The following LRGUK variants were observed in gnomAD, a reference collection of about 807,000 sequenced individuals.
LRGUK encodes the protein leucine-rich repeat and guanylate kinase domain-containing protein.
LRGUK carries 65 observed loss-of-function variants against 76.0 expected under a neutral mutation model. The ratio of observed to expected loss-of-function variants is 0.85; its 90% CI spans 0.70 to 1.05. The LOEUF (loss-of-function observed/expected upper bound fraction) is 1.05, where lower values mean the gene tolerates loss of function less well. Among genes scored for constraint, LRGUK ranks in the 50% least tolerant of loss-of-function variants. The pLI is 0.00. For missense variants in LRGUK, 758 were observed against 732.8 expected, an observed-to-expected ratio of 1.03 and a Z score of -0.40; for synonymous variants, 268 against 265.6, an observed-to-expected ratio of 1.01 and a Z score of -0.09.
chr7:134,244,517 C>A (rs1802243710), intron 16 of LRGUK, among the ~76,000 whole-genome samples: 1 of 152,150 alleles, frequency 6.6e-6, no homozygotes, highest in South Asian at 2.1e-4. Flanking sequence ...CCATCTCACA[C>A]CAGTTAGAAT....
chr7:134,199,644 G>A (rs1283352960), intron 14 of LRGUK, among the ~76,000 whole-genome samples: 1 of 151,972 alleles, frequency 6.6e-6, no homozygotes, highest in African/African-American at 2.4e-5. Context: ...AAGATTTGGT[G>A]TAAAATGAGC....
At chr7:134,275,635 C>T in the LRGUK span, among the ~76,000 whole-genome samples, 1 of 152,000 alleles carries the variant, frequency 6.6e-6, no homozygotes, top group Admixed American at 6.6e-5. Flanking sequence ...AAGTTTTTTC[C>T]TGGATTTTAT....
In LRGUK at chr7:134,128,109, G is replaced by GAA. The variant is rs11291605; in HGVS notation, c.297+463_297+464dup. Among the ~76,000 whole-genome samples, 154 of 136,066 alleles carry GAA rather than the reference G, an allele frequency of 1.1e-3. 1 individual carries two copies. Among genetic ancestry groups the GAA allele is most frequent in the African/African-American group, 3.1e-3 (116 of 36,840 alleles). 89.3% of individuals were successfully genotyped at this position (136,066 alleles called of 152,430 possible). On this transcript the variant is annotated intron_variant, in intron 1 of 15. Transcript: ENST00000645682. Reference sequence around the variant, plus strand: ...TCTAGTCCCGTCAGCCTCCCTCCAGGAAAAAAAAAAAAAAAAAAATCCGCT... The same window carrying GAA: ...TCTAGTCCCGTCAGCCTCCCTCCAGGAAAAAAAAAAAAAAAAAAAAATCCGCT...
At chr7:134,149,490 T>C (rs1406584579) in intron 5 of LRGUK, among the ~76,000 whole-genome samples, 1 of 152,298 alleles carries the variant, frequency 6.6e-6, no homozygotes, top group East Asian at 1.9e-4. Flanking sequence ...TTCTTGAAGA[T>C]GTATCTTGTA....
chr7:134,170,102 T>G (rs970002718), intron 7 of LRGUK, among the ~76,000 whole-genome samples: 7 of 152,086 alleles, frequency 4.6e-5, no homozygotes, highest in African/African-American at 1.7e-4. Context: ...TGATTACCCA[T>G]GAGGTTAAAC....
intron 1 of LRGUK, among the ~76,000 whole-genome samples, chr7:134,130,904 A>G (rs774624725): frequency 3.9e-5 from 6 of 152,230 alleles, no homozygotes; most frequent in Non-Finnish European, 1.5e-5. Context: ...TGGGAATTAT[A>G]ATAATACTTA....
At chr7:134,155,432 A>C (rs1392843898) in intron 5 of LRGUK, among the ~76,000 whole-genome samples, 1 of 152,222 alleles carries the variant, frequency 6.6e-6, no homozygotes, top group Admixed American at 6.5e-5. Context: ...TTGAAAATGC[A>C]TATTGACCAC....
intron 12 of LRGUK, among the ~76,000 whole-genome samples, chr7:134,195,518 A>G (rs773957321): frequency 1.3e-4 from 20 of 152,316 alleles, no homozygotes; most frequent in Non-Finnish European, 2.6e-4. Context: ...TCAGTGGTGC[A>G]GATGAAATCC....
chr7:134,188,626 G>A (rs558868828), intron 11 of LRGUK, among the ~76,000 whole-genome samples: 52 of 152,172 alleles, frequency 3.4e-4, no homozygotes, highest in Non-Finnish European at 6.9e-4. Context: ...TTTGTGTGGA[G>A]GATCACTTAA....
At chr7:134,276,092 A>T in the LRGUK span, among the ~76,000 whole-genome samples, 23 of 152,204 alleles carry the variant, frequency 1.5e-4, no homozygotes, top group Non-Finnish European at 2.5e-4. Flanking sequence ...ATGACTTCAG[A>T]GACTTACTTT....
chr7:134,149,695 A>G (rs1398488571), intron 5 of LRGUK, among the ~76,000 whole-genome samples: 1 of 152,210 alleles, frequency 6.6e-6, no homozygotes, highest in Admixed American at 6.5e-5. Flanking sequence ...AACTAAAAGC[A>G]TACACATTAG....
chr7:134,193,855 C>T (rs1800364574), intron 12 of LRGUK, among the ~76,000 whole-genome samples: 1 of 152,132 alleles, frequency 6.6e-6, no homozygotes, highest in African/African-American at 2.4e-5. Context: ...GACGGACAGC[C>T]TTGGCACACC....
chr7:134,183,769 T>C lies in LRGUK; in HGVS notation c.1250T>C (p.Leu417Pro), dbSNP rs767760557. The C allele has an allele frequency of 2.5e-6, 4 of 1,614,068 alleles. No homozygotes were observed. The highest frequency in any genetic ancestry group is 4.5e-5 in the East Asian group (2 of 44,870). Residue 417 changes from leucine to proline, a missense_variant, in exon 11 of 16, where the codon CTG becomes CCG. Leu to Pro is a moderately conservative substitution (Grantham distance 98). Coordinates refer to ENST00000645682, the Ensembl canonical transcript of LRGUK. ...AGCCTGGATGCCCCTTATCCCATGC[T>C]GATACTAGCTGGTCCTGAAGCTTGT...
exon 15 of LRGUK, chr7:134,201,515 G>T: frequency 6.2e-7 from 1 of 1,613,938 alleles, no homozygotes. Flanking sequence ...AACTGAGTCA[G>T]CTCATTAGAG....
chr7:134,250,850 G>A (rs987626537), intron 18 of LRGUK, among the ~76,000 whole-genome samples: 7 of 152,204 alleles, frequency 4.6e-5, no homozygotes, highest in African/African-American at 1.2e-4. Flanking sequence ...AGGTTTACAC[G>A]TCATCTCTTC....
chr7:134,177,010 A>C, exon 9 of LRGUK: 2 of 1,603,830 alleles, frequency 1.2e-6, no homozygotes, highest in Non-Finnish European at 1.7e-6. Flanking sequence ...CGTAATTTTT[A>C]TGCTTCTGCG....
At chr7:134,127,958 G>A (rs759628303) in intron 1 of LRGUK, among the ~76,000 whole-genome samples, 5 of 151,700 alleles carry the variant, frequency 3.3e-5, no homozygotes, top group Non-Finnish European at 5.9e-5. Context: ...ATAATTGTCT[G>A]GGAATTATGG....
intron 19 of LRGUK, among the ~76,000 whole-genome samples, chr7:134,259,910 C>G (rs1247676118): frequency 6.6e-6 from 1 of 152,078 alleles, no homozygotes; most frequent in Non-Finnish European, 1.5e-5. Context: ...GTTCATGGAC[C>G]GTCCCCATCT....
chr7:134,163,630 T>A, intron 7 of LRGUK, 90 bp downstream of exon 7: 1 of 1,199,362 alleles, frequency 8.3e-7, no homozygotes, highest in Non-Finnish European at 1.1e-6. Flanking sequence ...TTTGGTTTCT[T>A]AAGGGCGGAC....
Sources: allele counts gnomAD v4.1 joint callset (sites outside exome capture counted in the v4.1 genomes callset), GRCh38; gene constraint gnomAD v4.1.1; transcripts MANE v1.5; gene names NCBI Gene and HGNC (gene_info 2026-07-23, HGNC 2026-07-21).